The following SCN8A variants were observed in gnomAD, a reference collection of about 807,000 sequenced individuals.
SCN8A encodes sodium channel protein type 8 subunit alpha.
In SCN8A, 30 loss-of-function variants were observed where a neutral mutation model predicts 184.1. The ratio of observed to expected loss-of-function variants is 0.16; its 90% CI spans 0.12 to 0.22. SCN8A has a LOEUF of 0.22. Ranked by LOEUF, SCN8A falls within the 10% of genes least tolerant of loss-of-function variation. The pLI is 1.00. For synonymous variants in SCN8A, 852 were observed against 907.0 expected, an observed-to-expected ratio of 0.94 and a Z score of 1.09; for missense variants, 1,057 against 2,498.9, an observed-to-expected ratio of 0.42 and a Z score of 12.30.
intron 1 of SCN8A, among the ~76,000 whole-genome samples, chr12:51,626,399 A>G (rs1445528581): frequency 6.6e-6 from 1 of 152,154 alleles, no homozygotes; most frequent in African/African-American, 2.4e-5. Flanking sequence ...AATACCCAAC[A>G]CGACCTTCCT....
intron 1 of SCN8A, among the ~76,000 whole-genome samples, chr12:51,621,052 T>A (rs545149019): frequency 6.6e-6 from 1 of 152,196 alleles, no homozygotes. Flanking sequence ...AGAAATATGA[T>A]GGTTCTTATA....
intron 2 of SCN8A, among the ~76,000 whole-genome samples, chr12:51,677,796 T>G (rs1269700621): frequency 6.6e-6 from 1 of 152,224 alleles, no homozygotes; most frequent in Non-Finnish European, 1.5e-5. Flanking sequence ...ATGGACCTTG[T>G]GCTGAAACAC....
chr12:51,721,803 C>T lies in SCN8A; in HGVS notation c.1893C>T (p.Pro631=), dbSNP rs1185791080. Residue 631 remains proline (P), a synonymous_variant, in exon 12 of 27, where the codon CCC becomes CCT. Coordinates refer to ENST00000627620, the MANE Select transcript of SCN8A (RefSeq NM_001330260.2). ...GCAGCCGCTCCTCGCGCATCTTCCCCAGCCTGCGGCGCAGCGTGAAGCGCA... is the reference window on the plus strand; with the variant it reads ...GCAGCCGCTCCTCGCGCATCTTCCCTAGCCTGCGGCGCAGCGTGAAGCGCA... ...SQGSRSSRIF[P]SLRRSVKRNS... 3.1e-6 allele frequency: 5 copies of T among 1,609,200 alleles called. No homozygotes were observed. The highest frequency in any genetic ancestry group is 3.4e-6 in the Non-Finnish European group (4 of 1,179,458).
At chr12:51,768,555 C>T (rs1942872057) in intron 16 of SCN8A, among the ~76,000 whole-genome samples, 1 of 151,958 alleles carries the variant, frequency 6.6e-6, no homozygotes, top group Admixed American at 6.6e-5. Flanking sequence ...GGGGAAATGT[C>T]CTTCCAAAAT....
At chr12:51,605,552 C>T (rs1320134151) in intron 1 of SCN8A, among the ~76,000 whole-genome samples, 1 of 152,206 alleles carries the variant, frequency 6.6e-6, no homozygotes, top group African/African-American at 2.4e-5. Context: ...CTGCTATAAA[C>T]ATGTGTGTGC....
At chr12:51,740,548 A>C (rs926353898) in intron 12 of SCN8A, among the ~76,000 whole-genome samples, 1 of 152,230 alleles carries the variant, frequency 6.6e-6, no homozygotes, top group Non-Finnish European at 1.5e-5. Context: ...GAGTATTTTA[A>C]GACTTATTTG....
intron 1 of SCN8A, among the ~76,000 whole-genome samples, chr12:51,618,274 GGA>G (rs1010967561): frequency 2.0e-5 from 3 of 152,046 alleles, no homozygotes; most frequent in South Asian, 4.1e-4. Flanking sequence ...AGGTAGGGCA[GGA>G]GAGAGCAGGA....
chr12:51,677,582 TC>T (rs1309745698), intron 2 of SCN8A, among the ~76,000 whole-genome samples: 2 of 152,160 alleles, frequency 1.3e-5, no homozygotes, highest in Non-Finnish European at 2.9e-5. Flanking sequence ...TGCACGGTGT[TC>T]CTTCCCCTAA....
rs370464611 is a variant in SCN8A, at chr12:51,593,967, A to G, written c.-55+2608A>G. On this transcript the variant is annotated intron_variant, in intron 1 of 26. Transcript: ENST00000627620. Reference sequence around the variant, plus strand: ...TGGTCTCCACAGGAAGTAATCCGATAGCTGGCTAAATTAAACTGGATCAGG... The same window carrying G: ...TGGTCTCCACAGGAAGTAATCCGATGGCTGGCTAAATTAAACTGGATCAGG... Among the ~76,000 whole-genome samples the G allele has an allele frequency of 8.0e-4, 122 of 152,382 alleles. 1 individual carries two copies. Among genetic ancestry groups the G allele is most frequent in the African/African-American group, 2.6e-3 (110 of 41,596 alleles).
intron 12 of SCN8A, among the ~76,000 whole-genome samples, chr12:51,730,653 C>G (rs150699744): frequency 1.6e-3 from 249 of 152,218 alleles, no homozygotes; most frequent in African/African-American, 5.8e-3. Context: ...ATGATCACAT[C>G]ATGAAAAATG....
chr12:51,618,461 ACACACACACACACACAC>A lies in SCN8A; in HGVS notation c.-55+27103_-55+27119del, dbSNP rs1355123200. On this transcript the variant is annotated intron_variant, in intron 1 of 26. Transcript: ENST00000627620. ...CCAGGCCAAGAGATACCAGAGCAAC[ACACACACACACACACAC>A]ACACACACACACACACACACACACA... 2.3e-3 allele frequency among the ~76,000 whole-genome samples: 17 copies of A among 7,240 alleles called. No homozygotes were observed. In the East Asian group the frequency reaches 0.45, roughly 192 times the overall value. 4.7% of individuals were successfully genotyped at this position (7,240 alleles called of 152,430 possible).
rs1941175013 is a variant in SCN8A at position 51,673,802 on chromosome 12, CA to C, written c.277-10370del. 3.3e-5 allele frequency among the ~76,000 whole-genome samples: 5 copies of C among 152,210 alleles called. No homozygotes were observed. In the South Asian group the frequency reaches 1.0e-3, roughly 32 times the overall value. On this transcript the variant is annotated intron_variant, in intron 2 of 26. Coordinates refer to ENST00000627620, the MANE Select transcript of SCN8A (RefSeq NM_001330260.2). The stretch of plus-strand genomic sequence containing the variant: ...GATACTGGTATGTAAACCTCAATAA[CA>C]ATATTCTGTGTTAACTGCTCTAATA...
In SCN8A at chr12:51,765,962, G is replaced by C; in HGVS notation, c.2836G>C (p.Glu946Gln). ...EWIETMWDCM[E>Q]VAGQAMCLIV... Reference sequence around the variant, plus strand: ...GATTGAGACCATGTGGGACTGCATGGAAGTGGCAGGCCAGGCCATGTGCCT... The same window carrying C: ...GATTGAGACCATGTGGGACTGCATGCAAGTGGCAGGCCAGGCCATGTGCCT... Residue 946 changes from glutamate to glutamine, a missense_variant, in exon 16 of 27, where the codon GAA (glutamate) becomes CAA (glutamine). Physicochemically the swap from Glu to Gln is conservative, Grantham distance 29. This residue lies in a region of SCN8A where 66 missense variants were observed against 310.6 expected (regional missense o/e 0.21). Coordinates refer to ENST00000627620, the MANE Select transcript of SCN8A (RefSeq NM_001330260.2). 6.2e-7 allele frequency: 1 copy of C among 1,614,138 alleles called. No individual in the cohort carries two copies. Among genetic ancestry groups the C allele is most frequent in the Non-Finnish European group, 8.5e-7 (1 of 1,180,018 alleles).
chr12:51,789,134 GAGA>G (rs1938171982), intron 23 of SCN8A, 144 bp from the exon 24 acceptor site: 1 of 795,004 alleles, frequency 1.3e-6, no homozygotes. Context: ...TGCCAGTGTA[GAGA>G]AGGAGGCAGG....
At chr12:51,614,495 T>G (rs7297142) in intron 1 of SCN8A, among the ~76,000 whole-genome samples, 133,792 of 152,042 alleles carry the variant, frequency 0.88, 59,052 homozygotes, top group East Asian at 0.99. Flanking sequence ...TTTATAGAAG[T>G]GTTGCAAAAA....
chr12:51,766,942 C>G (rs1162459049), intron 16 of SCN8A, among the ~76,000 whole-genome samples: 1 of 152,172 alleles, frequency 6.6e-6, no homozygotes, highest in Non-Finnish European at 1.5e-5. Flanking sequence ...TGGAAGAAGA[C>G]AAGCTTATCT....
At chr12:51,620,840 A>T (rs1258626786) in intron 1 of SCN8A, among the ~76,000 whole-genome samples, 2 of 151,904 alleles carry the variant, frequency 1.3e-5, no homozygotes, top group East Asian at 3.9e-4. Flanking sequence ...AAAAAAAAAA[A>T]ATTAGGTGTG....
intron 20 of SCN8A, among the ~76,000 whole-genome samples, chr12:51,775,778 A>G (rs1467407896): frequency 1.3e-5 from 2 of 152,218 alleles, no homozygotes; most frequent in East Asian, 3.9e-4. Flanking sequence ...ACCTGGCGTC[A>G]GGTGGGACAC....
At chr12:51,663,903 A>ATTTTTTTTTTTTTTTTTTT (rs796653928) in intron 2 of SCN8A, among the ~76,000 whole-genome samples, 1 of 69,804 alleles carries the variant, frequency 1.4e-5, no homozygotes, top group East Asian at 5.7e-4. Context: ...CATTTGACAG[A>ATTTTTTTTTTTTTTTTTTT]TTTTTTTTTT....
Sources: allele counts gnomAD v4.1 joint callset (sites outside exome capture counted in the v4.1 genomes callset), GRCh38; gene constraint gnomAD v4.1.1; regional missense constraint gnomAD v4.1.1; transcripts MANE v1.5; gene names NCBI Gene and HGNC (gene_info 2026-07-23, HGNC 2026-07-21).